Variants in FAAH2 observed in about 807,000 individuals in gnomAD.
FAAH2 encodes the protein fatty acid amide hydrolase 2, also known as fatty-acid amide hydrolase 2.
Under a neutral mutation model 36.9 loss-of-function variants are expected in FAAH2, and 60 were observed. The ratio of observed to expected loss-of-function variants is 1.63; its 90% CI spans 1.32 to 2.02. The LOEUF (loss-of-function observed/expected upper bound fraction) is 2.02. Ranked by LOEUF, FAAH2 falls within the 30% of genes most tolerant of loss-of-function variation. FAAH2 has a pLI of 0.00. For missense variants in FAAH2, 689 were observed against 397.5 expected, an observed-to-expected ratio of 1.73 and a Z score of -6.23; for synonymous variants, 214 against 143.8, an observed-to-expected ratio of 1.49 and a Z score of -3.49.
rs1482366838 is a variant in FAAH2, at chrX:57,487,036, A to AC, written c.1424-1721_1424-1720insC. Among the ~76,000 whole-genome samples the AC allele has an allele frequency of 2.7e-5, 3 of 111,759 alleles. No individual in the cohort carries two copies. The Admixed American group carries it at 2.9e-4, about 11-fold the overall frequency. On this transcript the variant is annotated intron_variant, in intron 10 of 10. Transcript: ENST00000374900. The stretch of plus-strand genomic sequence containing the variant: ...TTCAAGACAGTTCAATGAAGAATTA[A>AC]TAGTCTTTTCATCAAATGGTTCTAG...
At chrX:57,219,865 T>A in the FAAH2 span, among the ~76,000 whole-genome samples, 1 of 89,466 alleles carries the variant, frequency 1.1e-5, no homozygotes, top group Non-Finnish European at 2.1e-5. Context: ...CGCCTTGTCT[T>A]TTTTTTTTTT....
rs146844077 is a variant in FAAH2 at position 57,449,476 on chromosome X, A to C, written c.1423+758A>C. ...ATTTCCTATCTAGGAAGTCAGGGTA[A>C]TCTATGCCTTGCAGTGTTGCAGTTA... On this transcript the variant is annotated intron_variant, in intron 10 of 10. Transcript: ENST00000374900. 4.5e-5 allele frequency among the ~76,000 whole-genome samples: 5 copies of C among 112,109 alleles called. 1 individual carries two copies. The highest frequency in any genetic ancestry group is 1.6e-4 in the African/African-American group (5 of 30,869).
chrX:57,326,324 G>A (rs1378574032), intron 3 of FAAH2, among the ~76,000 whole-genome samples: 2 of 113,638 alleles, frequency 1.8e-5, no homozygotes, highest in African/African-American at 3.3e-5. Context: ...TGTTGATTTG[G>A]GGTGGAGAGT....
At chrX:57,163,724 A>G in the FAAH2 span, among the ~76,000 whole-genome samples, 49,660 of 110,997 alleles carry the variant, frequency 0.45, 10,929 homozygotes, top group African/African-American at 0.86. Context: ...TTCGGCTCGC[A>G]CACGATGCGT....
At chrX:57,474,681 G>A (rs1322502289) in intron 10 of FAAH2, among the ~76,000 whole-genome samples, 1 of 112,131 alleles carries the variant, frequency 8.9e-6, no homozygotes, top group Admixed American at 9.5e-5. Flanking sequence ...GTGTGCATGT[G>A]TCTTTATAGT....
rs1384802296 is a variant in FAAH2, at chrX:57,454,684, A to G, written c.1423+5966A>G. On this transcript the variant is annotated intron_variant, in intron 10 of 10. Coordinates refer to ENST00000374900, the MANE Select transcript of FAAH2 (RefSeq NM_174912.4). Reference sequence around the variant, plus strand: ...AATCTGAAGCATCAGCAGCAGAAAAATTAAGATGAAGAAAGAATCTCTGAG... The same window carrying G: ...AATCTGAAGCATCAGCAGCAGAAAAGTTAAGATGAAGAAAGAATCTCTGAG... 5.3e-5 allele frequency among the ~76,000 whole-genome samples: 6 copies of G among 112,162 alleles called. No homozygotes were observed. In the East Asian group the frequency reaches 1.4e-3, roughly 26 times the overall value.
intron 10 of FAAH2, among the ~76,000 whole-genome samples, chrX:57,458,697 T>C (rs1391012875): frequency 9.0e-6 from 1 of 110,946 alleles, no homozygotes; most frequent in East Asian, 2.9e-4. Flanking sequence ...GCAGAAGCAG[T>C]GTTGGGCATT....
the FAAH2 span, among the ~76,000 whole-genome samples, chrX:57,258,961 T>A: frequency 9.1e-6 from 1 of 109,671 alleles, no homozygotes; most frequent in African/African-American, 3.3e-5. Context: ...CCTTGTGGTC[T>A]GCCCGCCTCA....
intron 10 of FAAH2, among the ~76,000 whole-genome samples, chrX:57,454,367 G>A (rs1010798419): frequency 8.9e-6 from 1 of 111,752 alleles, no homozygotes; most frequent in African/African-American, 3.3e-5. Context: ...CCTTACACAT[G>A]AGAAAGAATG....
intron 10 of FAAH2, among the ~76,000 whole-genome samples, chrX:57,468,886 T>C (rs1256197452): frequency 8.9e-6 from 1 of 111,947 alleles, no homozygotes; most frequent in African/African-American, 3.2e-5. Flanking sequence ...CCCATCAGAC[T>C]AACAGCGGAT....
At chrX:57,139,535 G>T in the FAAH2 span, among the ~76,000 whole-genome samples, 2 of 111,109 alleles carry the variant, frequency 1.8e-5, no homozygotes, top group Admixed American at 9.6e-5. Context: ...CTCACTGCGA[G>T]CTCCTTCTCC....
chrX:57,199,360 A>C, the FAAH2 span, among the ~76,000 whole-genome samples: 2 of 110,138 alleles, frequency 1.8e-5, no homozygotes, highest in Non-Finnish European at 3.8e-5. Flanking sequence ...ATTCAGGAAC[A>C]CCTTGATTAA....
At chrX:57,124,155 T>G in the FAAH2 span, among the ~76,000 whole-genome samples, 1 of 111,774 alleles carries the variant, frequency 8.9e-6, no homozygotes, top group Non-Finnish European at 1.9e-5. Context: ...TTTAAGTCTT[T>G]AATCCATCTT....
At chrX:57,449,358 C>T (rs1375824311) in intron 10 of FAAH2, among the ~76,000 whole-genome samples, 3 of 111,587 alleles carry the variant, frequency 2.7e-5, no homozygotes, top group Non-Finnish European at 3.8e-5. Flanking sequence ...ACCCAATAAA[C>T]CTGTGGTCCA....
intron 5 of FAAH2, 21 bp from the exon 6 acceptor site, chrX:57,378,630 C>T: frequency 8.3e-7 from 1 of 1,209,601 alleles, no homozygotes; most frequent in Non-Finnish European, 1.1e-6. Context: ...GGGCGGCTAA[C>T]CTGACTGTCT....
chrX:57,176,968 C>CAT, the FAAH2 span, among the ~76,000 whole-genome samples: 1 of 110,008 alleles, frequency 9.1e-6, no homozygotes, highest in Admixed American at 9.8e-5. Flanking sequence ...GCTGGAATGG[C>CAT]AGAGGTCCCA....
chrX:57,224,719 TG>T, the FAAH2 span, among the ~76,000 whole-genome samples: 4 of 112,302 alleles, frequency 3.6e-5, no homozygotes, highest in Non-Finnish European at 7.5e-5. Context: ...ATAAAACCTT[TG>T]TCCTATCATC....
chrX:57,219,000 G>T, the FAAH2 span, among the ~76,000 whole-genome samples: 6 of 111,878 alleles, frequency 5.4e-5, no homozygotes, highest in Non-Finnish European at 1.1e-4. Flanking sequence ...CAGTCCCAAG[G>T]CGCAAGGCCA....
At chrX:57,479,858 C>A (rs2057346432) in intron 10 of FAAH2, among the ~76,000 whole-genome samples, 1 of 110,524 alleles carries the variant, frequency 9.0e-6, no homozygotes, top group Non-Finnish European at 1.9e-5. Flanking sequence ...AATTGATAGA[C>A]CACTAGCAAG....
Sources: gnomAD v4.1 joint callset for allele counts (sites outside exome capture counted in the v4.1 genomes callset) on GRCh38, gnomAD v4.1.1 for gene constraint, MANE v1.5 for transcripts, NCBI Gene and HGNC (gene_info 2026-07-23, HGNC 2026-07-21) for gene names.